SAMMSON: variants seen among roughly 807,000 people sequenced by gnomAD.
The protein encoded by SAMMSON is survival associated mitochondrial melanoma specific oncogenic non-coding RNA, also known as long intergenic non-protein coding RNA 1212.
chr3:70,012,129 T>C (rs1375803279), intron 1 of SAMMSON, among the ~76,000 whole-genome samples: 1 of 152,096 alleles, frequency 6.6e-6, no homozygotes, highest in African/African-American at 2.4e-5. Flanking sequence ...GACTCCAAAC[T>C]GAAATCATGA....
Position 70,351,899 on chromosome 3 carries a change from T to G in SAMMSON, n.740-2276T>G, listed in dbSNP as rs565232060. ...CCTCCTCACTGATTAGGTTCGTATT[T>G]AGTCACCCCAACTGAATTGTAGGAC... On this transcript the variant is annotated intron_variant and non_coding_transcript_variant, in intron 7 of 9. Transcript: ENST00000642114. Among the ~76,000 whole-genome samples the G allele has an allele frequency of 4.6e-5, 7 of 152,208 alleles. No homozygotes were observed. In the East Asian group the frequency reaches 5.8e-4, roughly 13 times the overall value.
At chr3:70,149,504 A>C (rs2067562960) in intron 4 of SAMMSON, among the ~76,000 whole-genome samples, 1 of 152,050 alleles carries the variant, frequency 6.6e-6, no homozygotes, top group South Asian at 2.1e-4. Flanking sequence ...AGACCTACTG[A>C]AGCAGAAACT....
intron 4 of SAMMSON, chr3:70,205,586 G>T (rs56767217): frequency 0.19 from 29,016 of 151,890 alleles, 3,023 homozygotes; most frequent in Non-Finnish European, 0.24. Flanking sequence ...CCCATGGTGT[G>T]AACTAGCCTA....
rs116058415 is a variant in SAMMSON, at chr3:70,187,239, G to A, written n.508-61868G>A. Among the ~76,000 whole-genome samples the A allele has an allele frequency of 8.4e-3, 1,277 of 152,194 alleles. 22 individuals are homozygous for A. Among genetic ancestry groups the A allele is most frequent in the African/African-American group, 0.029 (1,204 of 41,528 alleles). On this transcript the variant is annotated intron_variant and non_coding_transcript_variant, in intron 4 of 9. Transcript: ENST00000642114. ...GAAGGTGCCAATTTCATTAAAGGGT[G>A]CCTTTTATGGTTTCATCAGAGTACC...
At chr3:70,148,610 G>A (rs2067558431) in intron 4 of SAMMSON, among the ~76,000 whole-genome samples, 1 of 152,076 alleles carries the variant, frequency 6.6e-6, no homozygotes, top group African/African-American at 2.4e-5. Context: ...GTGAAGGGGA[G>A]CTGGTGTGTG....
rs2067309156 is a variant in SAMMSON at position 70,092,705 on chromosome 3, A to C, written n.507+21140A>C. ...AGCACACAGTCGGAGCTTAATAGAC[A>C]CTGGATGCTTAATTTTTTAATTACC... On this transcript the variant is annotated intron_variant and non_coding_transcript_variant, in intron 4 of 9. Coordinates refer to ENST00000642114, the Ensembl canonical transcript of SAMMSON. Among the ~76,000 whole-genome samples the C allele has an allele frequency of 1.3e-5, 2 of 152,020 alleles. 1 individual carries two copies. Among genetic ancestry groups the C allele is most frequent in the South Asian group, 4.2e-4 (2 of 4,812 alleles).
chr3:70,045,742 A>G (rs1239933577), intron 3 of SAMMSON, among the ~76,000 whole-genome samples: 2 of 152,046 alleles, frequency 1.3e-5, no homozygotes, highest in Admixed American at 6.6e-5. Context: ...GAAATATTAA[A>G]CCAAGTAATT....
intron 3 of SAMMSON, among the ~76,000 whole-genome samples, chr3:70,041,998 A>G (rs1307405951): frequency 1.3e-5 from 2 of 152,118 alleles, no homozygotes; most frequent in Non-Finnish European, 2.9e-5. Flanking sequence ...TGCATGATCA[A>G]TGGCTTTGAA....
intron 7 of SAMMSON, among the ~76,000 whole-genome samples, chr3:70,326,612 A>G (rs1300889882): frequency 1.3e-5 from 2 of 152,130 alleles, no homozygotes; most frequent in Non-Finnish European, 2.9e-5. Context: ...GACACTTGGA[A>G]TAGCTAAAGA....
intron 4 of SAMMSON, among the ~76,000 whole-genome samples, chr3:70,097,544 G>C (rs988219218): frequency 2.0e-5 from 3 of 152,114 alleles, no homozygotes; most frequent in Non-Finnish European, 4.4e-5. Context: ...TTCCTAACAG[G>C]CCCCAAATCA....
chr3:70,138,106 T>G (rs1449587978), intron 4 of SAMMSON, among the ~76,000 whole-genome samples: 1 of 152,228 alleles, frequency 6.6e-6, no homozygotes, highest in African/African-American at 2.4e-5. Flanking sequence ...AAATTTGTTT[T>G]GGGAATGAGA....
chr3:70,377,582 G>A (rs911630220), intron 9 of SAMMSON, among the ~76,000 whole-genome samples: 1 of 151,964 alleles, frequency 6.6e-6, no homozygotes, highest in Non-Finnish European at 1.5e-5. Flanking sequence ...CCATGTAAAG[G>A]AGAGTAATTT....
chr3:70,058,963 G>T (rs2067177773), intron 3 of SAMMSON, among the ~76,000 whole-genome samples: 1 of 151,984 alleles, frequency 6.6e-6, no homozygotes, highest in African/African-American at 2.4e-5. Context: ...TCAGCGGGAA[G>T]GTATTAATAT....
At chr3:70,209,527 A>G (rs1014708234) in intron 4 of SAMMSON, among the ~76,000 whole-genome samples, 2 of 152,110 alleles carry the variant, frequency 1.3e-5, no homozygotes, top group African/African-American at 4.8e-5. Context: ...ATGAATGGGT[A>G]TCCCCAGTTA....
At chr3:70,189,217 AT>A (rs538009371) in intron 4 of SAMMSON, among the ~76,000 whole-genome samples, 1 of 151,634 alleles carries the variant, frequency 6.6e-6, no homozygotes, top group Non-Finnish European at 1.5e-5. Context: ...ATTGACAGGA[AT>A]TTTTTTTTGC....
At chr3:70,430,221 T>C (rs971478625) in intron 2 of SAMMSON, among the ~76,000 whole-genome samples, 5 of 152,212 alleles carry the variant, frequency 3.3e-5, no homozygotes, top group African/African-American at 9.7e-5. Context: ...TCTATTGAGA[T>C]AATCATGTGG....
intron 4 of SAMMSON, among the ~76,000 whole-genome samples, chr3:70,146,824 C>T (rs2067550976): frequency 6.6e-6 from 1 of 151,828 alleles, no homozygotes; most frequent in Non-Finnish European, 1.5e-5. Flanking sequence ...TAGGAAAATC[C>T]AGTACAACCA....
intron 4 of SAMMSON, among the ~76,000 whole-genome samples, chr3:70,164,704 C>T (rs1198275781): frequency 6.6e-6 from 1 of 152,010 alleles, no homozygotes; most frequent in East Asian, 1.9e-4. Context: ...GGCTATACTT[C>T]CTCATCTATA....
chr3:70,302,024 T>C (rs896277901), intron 7 of SAMMSON, among the ~76,000 whole-genome samples: 1 of 152,128 alleles, frequency 6.6e-6, no homozygotes, highest in Non-Finnish European at 1.5e-5. Flanking sequence ...TGTGGAAATT[T>C]AGCTCAAGAA....
Sources: gnomAD v4.1 joint callset for allele counts (sites outside exome capture counted in the v4.1 genomes callset) on GRCh38, gnomAD v4.1.1 for gene constraint, MANE v1.5 for transcripts, NCBI Gene and HGNC (gene_info 2026-07-23, HGNC 2026-07-21) for gene names.